Variants in SPIRE1 observed in about 807,000 individuals in gnomAD.
The protein encoded by SPIRE1 is spire type actin nucleation factor 1.
In SPIRE1, 40 loss-of-function variants were observed where a neutral mutation model predicts 94.1. The ratio of observed to expected loss-of-function variants is 0.43; its 90% CI spans 0.33 to 0.55. The LOEUF (loss-of-function observed/expected upper bound fraction) is 0.55, where lower values mean the gene tolerates loss of function less well. Ranked by LOEUF, SPIRE1 falls within the 20% of genes least tolerant of loss-of-function variation. The probability of loss-of-function intolerance (pLI) is 0.06; values close to 1 mark genes in which losing one functional copy is unlikely to be tolerated. For missense variants in SPIRE1, 838 were observed against 975.2 expected, an observed-to-expected ratio of 0.86 and a Z score of 1.87; for synonymous variants, 376 against 371.7, an observed-to-expected ratio of 1.01 and a Z score of -0.13.
chr18:12,580,599 C>G (rs2036230248), intron 2 of SPIRE1, among the ~76,000 whole-genome samples: 1 of 152,214 alleles, frequency 6.6e-6, no homozygotes, highest in Non-Finnish European at 1.5e-5. Flanking sequence ...GCTGGGATTA[C>G]AGGTGTGAGC....
intron 1 of SPIRE1, among the ~76,000 whole-genome samples, chr18:12,640,012 AC>A (rs1342348418): frequency 6.6e-6 from 1 of 152,208 alleles, no homozygotes; most frequent in African/African-American, 2.4e-5. Context: ...AGAATTCATA[AC>A]TAAGGCAACA....
At chr18:12,622,151 T>G (rs1464778496) in intron 2 of SPIRE1, among the ~76,000 whole-genome samples, 2 of 152,130 alleles carry the variant, frequency 1.3e-5, no homozygotes, top group East Asian at 3.9e-4. Context: ...GCATTTCTGT[T>G]CCTATGCTTA....
chr18:12,502,642 T>C (rs2033701636), intron 6 of SPIRE1, among the ~76,000 whole-genome samples: 1 of 152,234 alleles, frequency 6.6e-6, no homozygotes, highest in African/African-American at 2.4e-5. Flanking sequence ...ATGTGCATTA[T>C]ATTGATCTAT....
intron 2 of SPIRE1, among the ~76,000 whole-genome samples, chr18:12,592,551 C>T (rs569693283): frequency 3.3e-5 from 5 of 152,210 alleles, no homozygotes; most frequent in Non-Finnish European, 5.9e-5. Context: ...ACACAGCTCA[C>T]CCGTGGTAAA....
intron 2 of SPIRE1, among the ~76,000 whole-genome samples, chr18:12,610,459 CCTT>C (rs2037106937): frequency 6.6e-6 from 1 of 152,140 alleles, no homozygotes. Context: ...CTCTAAACTT[CCTT>C]CTTAAGCAGG....
intron 2 of SPIRE1, among the ~76,000 whole-genome samples, chr18:12,575,544 T>C (rs1457339375): frequency 6.6e-6 from 1 of 152,134 alleles, no homozygotes; most frequent in African/African-American, 2.4e-5. Context: ...GATGGGGTCT[T>C]GCTATGTTAC....
At chr18:12,600,829 TTCC>T (rs2036813146) in intron 2 of SPIRE1, among the ~76,000 whole-genome samples, 1 of 151,568 alleles carries the variant, frequency 6.6e-6, no homozygotes, top group South Asian at 2.1e-4. Context: ...CTCAAAAGTG[TTCC>T]TCCTAAGTCA....
chr18:12,543,269 T>C (rs1255169728), intron 3 of SPIRE1, among the ~76,000 whole-genome samples: 1 of 152,194 alleles, frequency 6.6e-6, no homozygotes, highest in African/African-American at 2.4e-5. Flanking sequence ...GTTTGTCAGA[T>C]AAGATATTTT....
chr18:12,510,436 T>G (rs958688422), intron 5 of SPIRE1, among the ~76,000 whole-genome samples: 1 of 152,084 alleles, frequency 6.6e-6, no homozygotes, highest in African/African-American at 2.4e-5. Context: ...CCTAATATGG[T>G]CAAAAGCAAC....
chr18:12,651,451 T>C (rs911346668), intron 1 of SPIRE1, among the ~76,000 whole-genome samples: 1 of 151,948 alleles, frequency 6.6e-6, no homozygotes. Context: ...CTGAGGTGGG[T>C]GGATCACAAG....
chr18:12,643,774 T>A (rs902684564), intron 1 of SPIRE1, among the ~76,000 whole-genome samples: 1 of 152,214 alleles, frequency 6.6e-6, no homozygotes, highest in Non-Finnish European at 1.5e-5. Flanking sequence ...CTTTACTACA[T>A]ATACTATATA....
intron 1 of SPIRE1, among the ~76,000 whole-genome samples, chr18:12,654,269 G>A (rs1410138773): frequency 6.7e-6 from 1 of 149,984 alleles, no homozygotes; most frequent in African/African-American, 2.5e-5. Flanking sequence ...CCCTGGAGGC[G>A]GAGGTTGCAG....
At chr18:12,588,629 C>T (rs4493131) in intron 2 of SPIRE1, among the ~76,000 whole-genome samples, 52,384 of 148,910 alleles carry the variant, frequency 0.35, 10,560 homozygotes, top group East Asian at 0.59. Context: ...AAAAAAACCT[C>T]CGTGGACTTG....
chr18:12,658,361 C>A (rs1245507527), upstream of SPIRE1: 2 of 416,234 alleles, frequency 4.8e-6, no homozygotes, highest in South Asian at 1.7e-5. Context: ...CGGCGACGCA[C>A]GGTCCGGAGG....
rs1484019129 is a variant in SPIRE1, at chr18:12,506,579, T to C, written c.870A>G (p.Gln290=). Residue 290 remains glutamine, a synonymous_variant, in exon 6 of 17, where the codon CAA becomes CAG. Coordinates refer to ENST00000409402, the MANE Select transcript of SPIRE1 (RefSeq NM_001128626.2). The part of the protein sequence containing the change: ...LRNGVKLKKV[Q]ERQYNPLPIE... ...TGGGCAAAGGGTTGTACTGCCGCTC[T>C]TGGACCTTCTTAAGTTTTACCCCAT... 12 of 1,614,024 alleles carry C rather than the reference T, an allele frequency of 7.4e-6. No homozygotes were observed. Among genetic ancestry groups the C allele is most frequent in the Non-Finnish European group, 1.0e-5 (12 of 1,180,018 alleles).
intron 2 of SPIRE1, among the ~76,000 whole-genome samples, chr18:12,597,998 G>A (rs2036726334): frequency 6.6e-6 from 1 of 152,172 alleles, no homozygotes; most frequent in East Asian, 1.9e-4. Context: ...TGCAGAGGCG[G>A]CAGAGTTCAC....
At chr18:12,604,060 A>G (rs1045044745) in intron 2 of SPIRE1, among the ~76,000 whole-genome samples, 1 of 152,114 alleles carries the variant, frequency 6.6e-6, no homozygotes, top group African/African-American at 2.4e-5. Flanking sequence ...GCTTCTCTTC[A>G]TCTCGTCACC....
intron 2 of SPIRE1, among the ~76,000 whole-genome samples, chr18:12,612,064 C>T (rs918017684): frequency 3.9e-5 from 6 of 152,054 alleles, no homozygotes; most frequent in Non-Finnish European, 8.8e-5. Context: ...TCTCTGATTT[C>T]TCTCCTCTCT....
chr18:12,597,776 A>T (rs2036717991), intron 2 of SPIRE1, among the ~76,000 whole-genome samples: 2 of 152,194 alleles, frequency 1.3e-5, no homozygotes, highest in Non-Finnish European at 2.9e-5. Context: ...TCTTTGCTCC[A>T]CTTTCCAGGG....
Sources: gnomAD v4.1 joint callset for allele counts (sites outside exome capture counted in the v4.1 genomes callset) on GRCh38, gnomAD v4.1.1 for gene constraint, MANE v1.5 for transcripts, NCBI Gene and HGNC (gene_info 2026-07-23, HGNC 2026-07-21) for gene names.